The following FASTKD2 variants were observed in gnomAD, a reference collection of about 807,000 sequenced individuals.
FASTKD2 encodes the protein FAST kinase domains 2.
Under a neutral mutation model 63.6 loss-of-function variants are expected in FASTKD2, and 51 were observed. The observed-to-expected ratio is 0.80, with a 90% CI of 0.64 to 1.01. FASTKD2 has a LOEUF of 1.01. FASTKD2 is among the 50% of genes least tolerant of loss of function. The pLI, the probability that FASTKD2 is intolerant of heterozygous loss-of-function variation, is 0.00. For missense variants in FASTKD2, 786 were observed against 831.1 expected, an observed-to-expected ratio of 0.95 and a Z score of 0.67; for synonymous variants, 284 against 293.4, an observed-to-expected ratio of 0.97 and a Z score of 0.33.
chr2:206,781,512 C>T (rs73070067), intron 7 of FASTKD2, among the ~76,000 whole-genome samples: 17,403 of 151,160 alleles, frequency 0.12, 1,266 homozygotes, highest in African/African-American at 0.23. Context: ...GACGGGGTTT[C>T]ACCATTTTGG....
chr2:206,783,610 C>T (rs369358274), intron 7 of FASTKD2, among the ~76,000 whole-genome samples: 7 of 152,042 alleles, frequency 4.6e-5, no homozygotes, highest in African/African-American at 1.2e-4. Context: ...AAGTACTGGG[C>T]GGGTAAGAGT....
intron 3 of FASTKD2, among the ~76,000 whole-genome samples, chr2:206,770,576 A>G (rs1041307998): frequency 3.3e-5 from 5 of 152,008 alleles, no homozygotes; most frequent in African/African-American, 1.2e-4. Context: ...CTAAAAATAC[A>G]AAAATTAGCC....
At chr2:206,777,257 T>G (rs1321118044) in intron 7 of FASTKD2, among the ~76,000 whole-genome samples, 1 of 152,142 alleles carries the variant, frequency 6.6e-6, no homozygotes, top group African/African-American at 2.4e-5. Context: ...TTGTTCCTGG[T>G]CTTAGAAGAA....
chr2:206,794,902 G>A lies in FASTKD2; in HGVS notation c.*3100G>A, dbSNP rs908007120. 6.6e-6 allele frequency among the ~76,000 whole-genome samples: 1 copy of A among 152,168 alleles called. No individual in the cohort carries two copies. The highest frequency in any genetic ancestry group is 1.9e-4 in the East Asian group (1 of 5,186). Reference sequence around the variant, plus strand: ...AGTTTCTGTAAGATAGAGATTTGGGGCATCTACTTGGAACTACCTATGAGG... The same window carrying A: ...AGTTTCTGTAAGATAGAGATTTGGGACATCTACTTGGAACTACCTATGAGG... On this transcript the variant is annotated 3_prime_UTR_variant, in exon 12 of 12. Transcript: ENST00000402774.
rs998180887 is a variant in FASTKD2 at position 206,792,162 on chromosome 2, A to G, written c.*360A>G. ...TAGTCCTTGTCTTTGGAATCTGAAT[A>G]TTTATACTCCTGCTCTAAGCTGTTC... On this transcript the variant is annotated 3_prime_UTR_variant, in exon 12 of 12. Transcript: ENST00000402774. 6.6e-6 allele frequency: 2 copies of G among 302,870 alleles called. No individual in the cohort carries two copies. Among genetic ancestry groups the G allele is most frequent in the South Asian group, 3.2e-5 (1 of 30,778 alleles). 18.8% of individuals were successfully genotyped at this position (302,870 alleles called of 1,614,324 possible). A position where few individuals can be genotyped will look rare whatever the true frequency, so the allele number is the denominator to read the frequency against.
At chr2:206,770,533 G>C (rs1267685077) in intron 3 of FASTKD2, among the ~76,000 whole-genome samples, 1 of 151,922 alleles carries the variant, frequency 6.6e-6, no homozygotes, top group Non-Finnish European at 1.5e-5. Context: ...CACGAGGTCG[G>C]GAGATCGAGA....
intron 2 of FASTKD2, among the ~76,000 whole-genome samples, chr2:206,767,934 C>G (rs1250439532): frequency 6.6e-6 from 1 of 152,148 alleles, no homozygotes; most frequent in African/African-American, 2.4e-5. Flanking sequence ...AAAAGTTTGG[C>G]AAATTTGAAG....
intron 7 of FASTKD2, among the ~76,000 whole-genome samples, chr2:206,783,687 AG>A (rs778479698): frequency 1.3e-5 from 2 of 152,270 alleles, no homozygotes; most frequent in East Asian, 3.9e-4. Flanking sequence ...TTGAAAATAG[AG>A]GGGGGATAAC....
chr2:206,788,862 A>T lies in FASTKD2; in HGVS notation c.1857A>T (p.Pro619=). 6.3e-7 allele frequency: 1 copy of T among 1,588,310 alleles called. No homozygotes were observed. Among genetic ancestry groups the T allele is most frequent in the South Asian group, 1.1e-5 (1 of 90,522 alleles). Residue 619 remains proline (P), a synonymous_variant, in exon 10 of 12, where the codon CCA becomes CCT. Coordinates refer to ENST00000402774, the MANE Select transcript of FASTKD2 (RefSeq NM_001136193.2). ...ACACTAACAGGAATCAAGTGCTACC[A>T]CTTTCTGATGTGGATACAACTTCTG... The part of the protein sequence containing the change: ...RMDTNRNQVL[P]LSDVDTTSAT...
chr2:206,770,814 A>G (rs1216874163), intron 3 of FASTKD2, among the ~76,000 whole-genome samples: 3 of 152,090 alleles, frequency 2.0e-5, no homozygotes, highest in Non-Finnish European at 2.9e-5. Flanking sequence ...TTCGGGGACT[A>G]TGTGAGGGTT....
chr2:206,789,695 T>C lies in FASTKD2; in HGVS notation c.1898+792T>C, dbSNP rs1179908856. 5 of 152,248 alleles carry C rather than the reference T, an allele frequency of 3.3e-5. No individual in the cohort carries two copies. The East Asian group carries it at 7.7e-4, about 23-fold the overall frequency. 9.4% of individuals were successfully genotyped at this position (152,248 alleles called of 1,614,324 possible). On this transcript the variant is annotated intron_variant, in intron 10 of 11. Coordinates refer to ENST00000402774, the MANE Select transcript of FASTKD2 (RefSeq NM_001136193.2). ...TCATTCACACACAGTTCTGTGACTT[T>C]CACCTCTTTCTGAATGCATCTAGCT...
In FASTKD2 at chr2:206,794,230, G is replaced by A. The variant is rs775360254; in HGVS notation, c.*2428G>A. Among the ~76,000 whole-genome samples, 15 of 151,860 alleles carry A rather than the reference G, an allele frequency of 9.9e-5. No homozygotes were observed. Among genetic ancestry groups the A allele is most frequent in the Non-Finnish European group, 1.6e-4 (11 of 67,966 alleles). On this transcript the variant is annotated 3_prime_UTR_variant, in exon 12 of 12. Coordinates refer to ENST00000402774, the MANE Select transcript of FASTKD2 (RefSeq NM_001136193.2). The stretch of plus-strand genomic sequence containing the variant: ...TTTCTCTGTCCCCTAAACAACCACT[G>A]ATCTATGGCACACATAGAAAAAAAT...
chr2:206,771,432 C>T (rs1689678860), intron 4 of FASTKD2, 142 bp downstream of exon 4: 1 of 657,202 alleles, frequency 1.5e-6, no homozygotes, highest in African/African-American at 1.8e-5. Flanking sequence ...AATAGAAGTA[C>T]CCTTATATTT....
chr2:206,766,078 G>A (rs12468869), intron 1 of FASTKD2, among the ~76,000 whole-genome samples: 17,875 of 151,672 alleles, frequency 0.12, 1,483 homozygotes, highest in African/African-American at 0.24. Flanking sequence ...TGGCCAACAT[G>A]GTGAAACTCC....
chr2:206,778,190 G>A (rs1345060102), intron 7 of FASTKD2, among the ~76,000 whole-genome samples: 1 of 150,966 alleles, frequency 6.6e-6, no homozygotes, highest in East Asian at 2.0e-4. Flanking sequence ...TGCTAACTTT[G>A]GGCCTAGTTT....
Position 206,793,807 on chromosome 2 carries a change from GAA to G in FASTKD2, c.*2009_*2010del, listed in dbSNP as rs71930000. ...TCTTCATTGCTTTGTGTCAATGAAAGAAAAATGGGCAAAGAGCTGATGAACAT... is the reference window on the plus strand; with the variant it reads ...TCTTCATTGCTTTGTGTCAATGAAAGAAATGGGCAAAGAGCTGATGAACAT... On this transcript the variant is annotated 3_prime_UTR_variant, in exon 12 of 12. Transcript: ENST00000402774. Among the ~76,000 whole-genome samples the G allele has an allele frequency of 6.2e-3, 940 of 152,262 alleles. 8 individuals carry two copies. The highest frequency in any genetic ancestry group is 0.018 in the African/African-American group (753 of 41,568).
Position 206,765,642 on chromosome 2 carries a change from C to T in FASTKD2, c.-156C>T, listed in dbSNP as rs1455166668. 7 of 621,494 alleles carry T rather than the reference C, an allele frequency of 1.1e-5. No homozygotes were observed. Among genetic ancestry groups the T allele is most frequent in the Admixed American group, 5.9e-5 (1 of 16,810 alleles). The allele number at this position is 621,494 out of a possible 1,614,324, so 38.5% of individuals were successfully genotyped here. A position where few individuals can be genotyped will look rare whatever the true frequency, so the allele number is the denominator to read the frequency against. ...GGCTGCTCCTGTACGTAGTCACGGT[C>T]TTGTGCTCTAAGGTGAGTGGAGGAC... On this transcript the variant is annotated 5_prime_UTR_variant, in exon 1 of 12. Coordinates refer to ENST00000402774, the MANE Select transcript of FASTKD2 (RefSeq NM_001136193.2).
rs1690389164 is a variant in FASTKD2, at chr2:206,794,527, A to C, written c.*2725A>C. Among the ~76,000 whole-genome samples the C allele has an allele frequency of 6.6e-6, 1 of 152,148 alleles. No individual in the cohort carries two copies. Among genetic ancestry groups the C allele is most frequent in the Non-Finnish European group, 1.5e-5 (1 of 68,030 alleles). On this transcript the variant is annotated 3_prime_UTR_variant, in exon 12 of 12. Coordinates refer to ENST00000402774, the MANE Select transcript of FASTKD2 (RefSeq NM_001136193.2). ...AGTAGATAGGACTGATTATAGGTAC[A>C]GGCTACTGTGCCCAGCTCAATTCTT...
chr2:206,777,753 C>A (rs538056208), intron 7 of FASTKD2, among the ~76,000 whole-genome samples: 1 of 152,276 alleles, frequency 6.6e-6, no homozygotes, highest in South Asian at 2.1e-4. Flanking sequence ...GTTTGGTTGA[C>A]TTCAGCAATG....
Sources: gnomAD v4.1 joint callset for allele counts (sites outside exome capture counted in the v4.1 genomes callset) on GRCh38, gnomAD v4.1.1 for gene constraint, MANE v1.5 for transcripts, NCBI Gene and HGNC (gene_info 2026-07-23, HGNC 2026-07-21) for gene names.